Variants in SCLT1 observed in about 807,000 individuals in gnomAD.
The protein encoded by SCLT1 is sodium channel-associated protein 1.
In SCLT1, 78 loss-of-function variants were observed where a neutral mutation model predicts 112.8. That is an observed-to-expected ratio of 0.69 (90% CI 0.58 to 0.83). The LOEUF (loss-of-function observed/expected upper bound fraction) is 0.83, where lower values mean the gene tolerates loss of function less well. SCLT1 is among the 40% of genes least tolerant of loss of function. The pLI, the probability that SCLT1 is intolerant of heterozygous loss-of-function variation, is 0.00. For missense variants in SCLT1, 747 were observed against 770.4 expected (o/e 0.97, Z 0.36); for synonymous variants, 257 against 254.7 (o/e 1.01, Z -0.09).
chr4:128,889,221 T>C (rs1733122865), intron 19 of SCLT1, among the ~76,000 whole-genome samples: 1 of 152,224 alleles, frequency 6.6e-6, no homozygotes, highest in Admixed American at 6.5e-5. Flanking sequence ...AGGGGTTGAA[T>C]TGTGTCCTAA....
At chr4:129,051,610 T>C (rs1310380645) in intron 2 of SCLT1, among the ~76,000 whole-genome samples, 1 of 152,220 alleles carries the variant, frequency 6.6e-6, no homozygotes, top group Non-Finnish European at 1.5e-5. Flanking sequence ...GCTTATCAGC[T>C]TAAAGAGATT....
intron 2 of SCLT1, among the ~76,000 whole-genome samples, chr4:129,062,523 A>G (rs1418894330): frequency 6.6e-6 from 1 of 152,168 alleles, no homozygotes; most frequent in East Asian, 1.9e-4. Context: ...TTTAATAAGT[A>G]GTATCACTTT....
intron 17 of SCLT1, among the ~76,000 whole-genome samples, chr4:128,941,213 C>T (rs13111413): frequency 0.21 from 32,465 of 152,026 alleles, 3,590 homozygotes; most frequent in Middle Eastern, 0.31. Context: ...GGTAGGAAGA[C>T]AGCCAAACCG....
chr4:128,875,959 A>G (rs1732510171), intron 4 of SCLT1, among the ~76,000 whole-genome samples: 1 of 152,200 alleles, frequency 6.6e-6, no homozygotes, highest in African/African-American at 2.4e-5. Context: ...CTTGGCCAAG[A>G]TCACAGCAGT....
chr4:128,923,796 G>C (rs570505312), intron 18 of SCLT1, among the ~76,000 whole-genome samples: 1 of 152,008 alleles, frequency 6.6e-6, no homozygotes, highest in South Asian at 2.1e-4. Flanking sequence ...TTTGTGTACA[G>C]GTTTTTTGTG....
intron 17 of SCLT1, among the ~76,000 whole-genome samples, chr4:128,937,266 A>C (rs1737279011): frequency 7.1e-6 from 1 of 140,816 alleles, no homozygotes; most frequent in Non-Finnish European, 1.5e-5. Flanking sequence ...TGACAGAGTA[A>C]GACTCTGTCT....
At chr4:128,934,572 T>G (rs1279571818) in intron 18 of SCLT1, among the ~76,000 whole-genome samples, 5 of 151,886 alleles carry the variant, frequency 3.3e-5, no homozygotes, top group Non-Finnish European at 5.9e-5. Context: ...GTCTTACATA[T>G]TGTTTGTTAG....
At chr4:129,040,671 C>A (rs1220944858) in intron 4 of SCLT1, among the ~76,000 whole-genome samples, 1 of 152,178 alleles carries the variant, frequency 6.6e-6, no homozygotes, top group Non-Finnish European at 1.5e-5. Context: ...CTCACATCAT[C>A]AAATTCTTCC....
intron 2 of SCLT1, among the ~76,000 whole-genome samples, chr4:129,051,915 AT>A (rs1335161107): frequency 2.6e-5 from 4 of 152,118 alleles, no homozygotes; most frequent in Non-Finnish European, 4.4e-5. Context: ...TACCTAGCTT[AT>A]TGAGAGTTTT....
intron 18 of SCLT1, among the ~76,000 whole-genome samples, chr4:128,898,699 C>T (rs1734000390): frequency 6.6e-6 from 1 of 152,136 alleles, no homozygotes; most frequent in African/African-American, 2.4e-5. Flanking sequence ...GAAATAGAGA[C>T]ACAAAAATCC....
chr4:128,873,305 AAG>A (rs1328040987), intron 5 of SCLT1: 3 of 152,372 alleles, frequency 2.0e-5, no homozygotes, highest in East Asian at 3.8e-4. Flanking sequence ...AAAAGAAAAA[AAG>A]AGAAAAAAGC....
chr4:128,923,258 C>A (rs1488427058), intron 18 of SCLT1, among the ~76,000 whole-genome samples: 1 of 151,858 alleles, frequency 6.6e-6, no homozygotes. Context: ...CCAGCCTCGC[C>A]AATATGGTGA....
At position 129,003,889 on chromosome 4, in the gene SCLT1, T is replaced by G. The variant is rs1274276593; in HGVS notation, c.291-13A>C. On this transcript the variant is annotated splice_polypyrimidine_tract_variant and intron_variant, in intron 5 of 20. Transcript: ENST00000281142. ...TTCACTGTGCAACCTTTGAAACAAA[T>G]AGTTAACATGATAGCCTCAAGTCAT... 6.2e-7 allele frequency: 1 copy of G among 1,607,588 alleles called. No individual in the cohort carries two copies. The highest frequency in any genetic ancestry group is 1.1e-5 in the South Asian group (1 of 89,246).
intron 13 of SCLT1, among the ~76,000 whole-genome samples, chr4:128,953,810 A>C (rs1411253441): frequency 2.2e-5 from 3 of 136,466 alleles, no homozygotes; most frequent in Admixed American, 7.5e-5. Flanking sequence ...AAAAAAAAAA[A>C]CAAAAAAACA....
At chr4:128,889,414 A>G (rs767429104) in intron 19 of SCLT1, among the ~76,000 whole-genome samples, 3 of 152,244 alleles carry the variant, frequency 2.0e-5, no homozygotes, top group Non-Finnish European at 4.4e-5. Flanking sequence ...AGAGAACACA[A>G]TCTACAAGCC....
intron 9 of SCLT1, among the ~76,000 whole-genome samples, chr4:128,977,959 G>T (rs1338404855): frequency 4.6e-5 from 7 of 152,068 alleles, no homozygotes; most frequent in Admixed American, 4.6e-4. Context: ...AAGAGATGGT[G>T]GGGTAGAGGT....
At chr4:128,954,109 G>A in intron 13 of SCLT1, among the ~76,000 whole-genome samples, 1 of 151,996 alleles carries the variant, frequency 6.6e-6, no homozygotes. Context: ...GGACTGTGAA[G>A]AATACTGATG....
At chr4:128,970,067 T>C (rs1209585618) in intron 10 of SCLT1, among the ~76,000 whole-genome samples, 2 of 152,308 alleles carry the variant, frequency 1.3e-5, no homozygotes, top group East Asian at 3.9e-4. Flanking sequence ...TAGTATTAAA[T>C]GCTTGTTTTC....
chr4:128,901,534 G>C (rs1032711978), intron 18 of SCLT1, among the ~76,000 whole-genome samples: 7 of 151,690 alleles, frequency 4.6e-5, no homozygotes, highest in South Asian at 2.1e-4. Flanking sequence ...GGTGGTGGGG[G>C]GGGGGAGGGA....
Sources: allele counts gnomAD v4.1 joint callset (sites outside exome capture counted in the v4.1 genomes callset), GRCh38; gene constraint gnomAD v4.1.1; transcripts MANE v1.5; gene names NCBI Gene and HGNC (gene_info 2026-07-23, HGNC 2026-07-21).